Variants in ATXN7 observed in about 807,000 individuals in gnomAD.
The protein encoded by ATXN7 is ataxin 7, also known as ataxin-7.
Under a neutral mutation model 70.5 loss-of-function variants are expected in ATXN7, and 12 were observed. The observed-to-expected ratio is 0.17, with a 90% CI of 0.11 to 0.28. The LOEUF (loss-of-function observed/expected upper bound fraction) is 0.28, where lower values mean the gene tolerates loss of function less well. Among genes scored for constraint, ATXN7 ranks in the 10% least tolerant of loss-of-function variants. The pLI, the probability that ATXN7 is intolerant of heterozygous loss-of-function variation, is 1.00. For missense variants in ATXN7, 1,256 were observed against 1,131.7 expected, an observed-to-expected ratio of 1.11 and a Z score of -1.58; for synonymous variants, 498 against 448.7, an observed-to-expected ratio of 1.11 and a Z score of -1.39.
At chr3:63,994,133 G>T (rs2075717873) in intron 11 of ATXN7, among the ~76,000 whole-genome samples, 1 of 152,162 alleles carries the variant, frequency 6.6e-6, no homozygotes. Flanking sequence ...TATGGATGTG[G>T]CTTAAGCTCC....
At chr3:63,942,401 G>A (rs968632339) in intron 4 of ATXN7, among the ~76,000 whole-genome samples, 24 of 152,126 alleles carry the variant, frequency 1.6e-4, no homozygotes, top group Admixed American at 4.6e-4. Context: ...AGCATTGTAC[G>A]TGGAACACAG....
At position 63,999,805 on chromosome 3, in the gene ATXN7, G is replaced by A. The variant is rs1489443161; in HGVS notation, c.*338G>A. Reference sequence around the variant, plus strand: ...AGTATATCACAGAGCCACTCTTCAAGTAGATTGGCTGGGCAAAAGAATGTT... The same window carrying A: ...AGTATATCACAGAGCCACTCTTCAAATAGATTGGCTGGGCAAAAGAATGTT... On this transcript the variant is annotated 3_prime_UTR_variant, in exon 13 of 13. Coordinates refer to ENST00000674280, the MANE Select transcript of ATXN7 (RefSeq NM_001377405.1). The A allele has an allele frequency of 1.1e-5, 5 of 451,914 alleles. No homozygotes were observed. The highest frequency in any genetic ancestry group is 3.5e-5 in the Admixed American group (1 of 28,198). 28.0% of individuals were successfully genotyped at this position (451,914 alleles called of 1,614,324 possible).
intron 5 of ATXN7, among the ~76,000 whole-genome samples, chr3:63,964,246 G>A (rs1036078834): frequency 1.2e-4 from 18 of 152,024 alleles, no homozygotes; most frequent in African/African-American, 4.4e-4. Context: ...GCAGTTTCTC[G>A]GGCGTCTATG....
At chr3:63,863,782 G>A, upstream of ATXN7, 7 of 1,251,836 alleles carry the variant, frequency 5.6e-6, no homozygotes, top group Non-Finnish European at 7.0e-6. Flanking sequence ...CGTCAGTCAC[G>A]GCTCCCATGG....
intron 1 of ATXN7, among the ~76,000 whole-genome samples, chr3:63,883,956 C>T (rs1027013852): frequency 1.3e-5 from 2 of 152,038 alleles, no homozygotes; most frequent in South Asian, 2.1e-4. Flanking sequence ...GATTGATTAC[C>T]AAGCATCCTT....
chr3:63,896,183 T>C (rs1007624438), intron 1 of ATXN7, among the ~76,000 whole-genome samples: 19 of 152,110 alleles, frequency 1.2e-4, no homozygotes, highest in African/African-American at 3.9e-4. Context: ...AGATATCTTC[T>C]ATAATCTCCC....
intron 4 of ATXN7, among the ~76,000 whole-genome samples, chr3:63,914,015 T>C (rs920084673): frequency 6.6e-6 from 1 of 152,236 alleles, no homozygotes; most frequent in South Asian, 2.1e-4. Flanking sequence ...AAAGGACTTC[T>C]GAAGTCCAGT....
rs1423051788 is a variant in ATXN7 at position 63,938,361 on chromosome 3, G to A, written c.395-14018G>A. ...ACTTGCATTTAAGTATTTCCCAGTGGTAATAAACTGCACCTAATCTGTTTA... is the reference window on the plus strand; with the variant it reads ...ACTTGCATTTAAGTATTTCCCAGTGATAATAAACTGCACCTAATCTGTTTA... On this transcript the variant is annotated intron_variant, in intron 4 of 12. Transcript: ENST00000674280. Among the ~76,000 whole-genome samples the A allele has an allele frequency of 3.3e-5, 5 of 152,190 alleles. No homozygotes were observed. The East Asian group carries it at 9.6e-4, about 29-fold the overall frequency.
rs1301625099 is a variant in ATXN7 at position 63,990,782 on chromosome 3, G to C, written c.1605G>C (p.Val535=). Residue 535 remains valine, a synonymous_variant, in exon 11 of 13, where the codon GTG becomes GTC. Coordinates refer to ENST00000674280, the MANE Select transcript of ATXN7 (RefSeq NM_001377405.1). ...GGCAGATAGGAAGAGGCTATTACGT[G>C]TTTGACTCCAGGTGGAATCGACTTC... ...GSRQIGRGYY[V]FDSRWNRLRC... 6.2e-7 allele frequency: 1 copy of C among 1,614,198 alleles called. No individual in the cohort carries two copies. Among genetic ancestry groups the C allele is most frequent in the Non-Finnish European group, 8.5e-7 (1 of 1,180,036 alleles).
intron 5 of ATXN7, among the ~76,000 whole-genome samples, chr3:63,954,439 A>G (rs1296443754): frequency 1.3e-5 from 2 of 152,158 alleles, no homozygotes; most frequent in Admixed American, 6.5e-5. Flanking sequence ...GTGCAAAGGC[A>G]GGCTGGGACT....
rs146073940 is a variant in ATXN7, at chr3:63,884,247, T to TCA, written c.-110-14138_-110-14137dup. 9.4e-3 allele frequency among the ~76,000 whole-genome samples: 1,335 copies of TCA among 142,536 alleles called. 15 individuals are homozygous for TCA. The highest frequency in any genetic ancestry group is 0.03 in the African/African-American group (1,145 of 38,250). The allele number at this position is 142,536 out of a possible 152,430, so 93.5% of individuals were successfully genotyped here. On this transcript the variant is annotated intron_variant, in intron 1 of 12. Coordinates refer to ENST00000674280, the MANE Select transcript of ATXN7 (RefSeq NM_001377405.1). ...CACACACACACACACACACATACTC[T>TCA]CACACACACACACACTCATTCACTC...
At chr3:63,881,417 A>G (rs1449905734) in intron 1 of ATXN7, among the ~76,000 whole-genome samples, 1 of 152,026 alleles carries the variant, frequency 6.6e-6, no homozygotes, top group Non-Finnish European at 1.5e-5. Flanking sequence ...AAGCAGCCAG[A>G]AGTGCAAATA....
chr3:63,997,666 C>T, intron 12 of ATXN7: 2 of 1,552,220 alleles, frequency 1.3e-6, no homozygotes, highest in Non-Finnish European at 1.7e-6. Context: ...AGCAACATCA[C>T]CCCAGAGCCC....
chr3:63,937,173 C>A (rs1031717589), intron 4 of ATXN7, among the ~76,000 whole-genome samples: 12 of 151,904 alleles, frequency 7.9e-5, no homozygotes, highest in African/African-American at 2.7e-4. Flanking sequence ...TAAGCATGGA[C>A]GTAAATAAGG....
At chr3:63,998,494 T>C (rs2075795246) in intron 12 of ATXN7, 1 of 985,400 alleles carries the variant, frequency 1.0e-6, no homozygotes, top group Non-Finnish European at 1.2e-6. Context: ...TACCATGTAG[T>C]GGCACTATGT....
At chr3:63,937,391 T>C (rs1167934761) in intron 4 of ATXN7, among the ~76,000 whole-genome samples, 2 of 152,218 alleles carry the variant, frequency 1.3e-5, no homozygotes. Flanking sequence ...AATACTTGAA[T>C]GGTTTATGCC....
chr3:63,940,776 T>G (rs2074747437), intron 4 of ATXN7, among the ~76,000 whole-genome samples: 1 of 152,202 alleles, frequency 6.6e-6, no homozygotes, highest in Non-Finnish European at 1.5e-5. Context: ...AAAACCAAGC[T>G]AAGTGGTAGA....
At chr3:63,938,768 A>G (rs761087489) in intron 4 of ATXN7, among the ~76,000 whole-genome samples, 1 of 152,214 alleles carries the variant, frequency 6.6e-6, no homozygotes, top group Non-Finnish European at 1.5e-5. Flanking sequence ...GTTGATGTGT[A>G]TGAGTGCAAC....
At chr3:63,913,739 C>T (rs769069200) in intron 4 of ATXN7, among the ~76,000 whole-genome samples, 7 of 152,070 alleles carry the variant, frequency 4.6e-5, no homozygotes, top group Non-Finnish European at 8.8e-5. Context: ...TTGCGAGCTG[C>T]CAATATCACG....
Sources: allele counts gnomAD v4.1 joint callset (sites outside exome capture counted in the v4.1 genomes callset), GRCh38; gene constraint gnomAD v4.1.1; transcripts MANE v1.5; gene names NCBI Gene and HGNC (gene_info 2026-07-23, HGNC 2026-07-21).